The following THSD4 variants were observed in gnomAD, a reference collection of about 807,000 sequenced individuals.
THSD4 encodes the protein thrombospondin type-1 domain-containing protein 4.
Under a neutral mutation model 119.0 loss-of-function variants are expected in THSD4, and 69 were observed. That is an observed-to-expected ratio of 0.58 (90% CI 0.48 to 0.71). The LOEUF is 0.71. Ranked by LOEUF, THSD4 falls within the 30% of genes least tolerant of loss-of-function variation. THSD4 has a pLI of 0.00. For missense variants in THSD4, 1,393 were observed against 1,391.1 expected, an observed-to-expected ratio of 1.00 and a Z score of -0.02; for synonymous variants, 524 against 540.4, an observed-to-expected ratio of 0.97 and a Z score of 0.42.
Position 71,380,210 on chromosome 15 carries a change from T to G in THSD4, c.1016-31477T>G, listed in dbSNP as rs181225101. ...TTTCTCAAGCCAAATTTAGTTGAAT[T>G]TAACAATTCCCTTCTTCTTTTGGTC... On this transcript the variant is annotated intron_variant, in intron 6 of 17. Coordinates refer to ENST00000261862, the MANE Select transcript of THSD4 (RefSeq NM_024817.3). Among the ~76,000 whole-genome samples the G allele has an allele frequency of 5.8e-4, 88 of 152,278 alleles. 1 individual carries two copies. In the East Asian group the frequency reaches 0.017, roughly 29 times the overall value.
At chr15:71,526,822 C>T (rs1209038139) in intron 7 of THSD4, among the ~76,000 whole-genome samples, 1 of 152,124 alleles carries the variant, frequency 6.6e-6, no homozygotes, top group Non-Finnish European at 1.5e-5. Flanking sequence ...AATAGATTCT[C>T]TTATAGTGTC....
At chr15:71,097,960 G>C (rs1193673282) in intron 1 of THSD4, among the ~76,000 whole-genome samples, 1 of 151,860 alleles carries the variant, frequency 6.6e-6, no homozygotes, top group Non-Finnish European at 1.5e-5. Context: ...CCTTCTCGCA[G>C]TGATGTTTTT....
chr15:71,770,970 G>A, intron 16 of THSD4, 94 bp from the exon 17 acceptor site: 1 of 1,526,038 alleles, frequency 6.6e-7, no homozygotes, highest in Admixed American at 2.1e-5. Flanking sequence ...TCTCCTTTTG[G>A]AAATGTTTGA....
intron 6 of THSD4, among the ~76,000 whole-genome samples, chr15:71,369,579 T>G (rs2046014623): frequency 6.6e-6 from 1 of 152,192 alleles, no homozygotes; most frequent in South Asian, 2.1e-4. Context: ...TATGCTGGAT[T>G]ATGTTTATTG....
chr15:71,103,425 G>A (rs758257419), intron 1 of THSD4, among the ~76,000 whole-genome samples: 10 of 152,028 alleles, frequency 6.6e-5, no homozygotes, highest in Non-Finnish European at 1.5e-4. Flanking sequence ...AAGTTTGTGG[G>A]ATTTCTGACT....
chr15:71,585,782 G>T (rs892932814), intron 7 of THSD4, among the ~76,000 whole-genome samples: 10 of 151,364 alleles, frequency 6.6e-5, no homozygotes, highest in African/African-American at 1.5e-4. Flanking sequence ...TATTCTTTTT[G>T]TGTGTGTGTG....
At chr15:71,342,126 C>T (rs1022027019) in intron 6 of THSD4, among the ~76,000 whole-genome samples, 6 of 135,990 alleles carry the variant, frequency 4.4e-5, no homozygotes, top group South Asian at 2.3e-4. Context: ...TTGACTGAAA[C>T]GCTTCTTCAT....
chr15:71,411,543 G>C, intron 6 of THSD4, 144 bp from the exon 7 acceptor site: 2 of 820,680 alleles, frequency 2.4e-6, no homozygotes, highest in East Asian at 2.7e-5. Flanking sequence ...TTATTGAACT[G>C]TATAGTTGGT....
chr15:71,110,893 A>T (rs2040298969), upstream of THSD4: 3 of 503,432 alleles, frequency 6.0e-6, no homozygotes, highest in Non-Finnish European at 1.1e-5. Context: ...GCTTGAGAAG[A>T]GGAGGCCCTG....
At chr15:71,287,627 A>G (rs576442343) in intron 6 of THSD4, among the ~76,000 whole-genome samples, 2 of 152,218 alleles carry the variant, frequency 1.3e-5, no homozygotes, top group African/African-American at 4.8e-5. Context: ...GAAACTTTAA[A>G]AATAGCCTTT....
chr15:71,403,354 TA>T (rs1372721032), intron 6 of THSD4, among the ~76,000 whole-genome samples: 3 of 152,228 alleles, frequency 2.0e-5, no homozygotes, highest in African/African-American at 7.2e-5. Context: ...TTGAAATGGC[TA>T]TGCCTCAAAA....
Position 71,461,090 on chromosome 15 carries a change from G to T in THSD4, c.1152+49267G>T, listed in dbSNP as rs186685410. 3.3e-5 allele frequency among the ~76,000 whole-genome samples: 5 copies of T among 152,314 alleles called. No individual in the cohort carries two copies. The East Asian group carries it at 9.6e-4, about 29-fold the overall frequency. On this transcript the variant is annotated intron_variant, in intron 7 of 17. Transcript: ENST00000261862. Reference sequence around the variant, plus strand: ...GAATTCAGGAGCAGCTTAACTGGGTGGTTCTGGCTTAGGGCCTCCCATGAG... The same window carrying T: ...GAATTCAGGAGCAGCTTAACTGGGTTGTTCTGGCTTAGGGCCTCCCATGAG...
intron 7 of THSD4, among the ~76,000 whole-genome samples, chr15:71,423,376 A>G (rs1395332180): frequency 6.6e-6 from 1 of 152,124 alleles, no homozygotes. Flanking sequence ...GCTGCTGATT[A>G]TTCAGGGCCC....
At chr15:71,303,340 G>T (rs772916457) in intron 6 of THSD4, among the ~76,000 whole-genome samples, 13 of 152,216 alleles carry the variant, frequency 8.5e-5, no homozygotes, top group Non-Finnish European at 1.9e-4. Flanking sequence ...GGGGCAGTCA[G>T]CATGGGCTAA....
At chr15:71,689,312 C>T (rs369709361) in intron 8 of THSD4, among the ~76,000 whole-genome samples, 1 of 152,150 alleles carries the variant, frequency 6.6e-6, no homozygotes, top group African/African-American at 2.4e-5. Context: ...TGTGAAGGGG[C>T]AGGGGAGAGA....
intron 6 of THSD4, among the ~76,000 whole-genome samples, chr15:71,382,429 G>T (rs60385655): frequency 0.015 from 2,258 of 152,028 alleles, 62 homozygotes; most frequent in African/African-American, 0.052. Flanking sequence ...TCTAATTTTA[G>T]CCAACTTGAT....
intron 15 of THSD4, among the ~76,000 whole-genome samples, chr15:71,758,331 G>A (rs1399171290): frequency 6.6e-6 from 1 of 152,190 alleles, no homozygotes. Flanking sequence ...TGCCCTCAGG[G>A]GGCTTATGGC....
At chr15:71,758,985 G>GA (rs148735243) in intron 15 of THSD4, among the ~76,000 whole-genome samples, 2 of 151,038 alleles carry the variant, frequency 1.3e-5, no homozygotes, top group Admixed American at 6.6e-5. Flanking sequence ...ATTAACAAAA[G>GA]AAAAAAAACA....
At chr15:71,716,632 G>C (rs973879060) in intron 8 of THSD4, among the ~76,000 whole-genome samples, 2 of 147,148 alleles carry the variant, frequency 1.4e-5, no homozygotes, top group Non-Finnish European at 3.0e-5. Flanking sequence ...TTAGATCATA[G>C]CTGACTGTAC....
Sources: gnomAD v4.1 joint callset for allele counts (sites outside exome capture counted in the v4.1 genomes callset) on GRCh38, gnomAD v4.1.1 for gene constraint, MANE v1.5 for transcripts, NCBI Gene and HGNC (gene_info 2026-07-23, HGNC 2026-07-21) for gene names.